The following PHKG1 variants were observed in gnomAD, a reference collection of about 807,000 sequenced individuals.
PHKG1 encodes phosphorylase kinase catalytic subunit gamma 1, also known as phosphorylase b kinase gamma catalytic chain, skeletal muscle/heart isoform.
PHKG1 carries 48 observed loss-of-function variants against 50.5 expected under a neutral mutation model. The observed-to-expected ratio is 0.95, with a 90% CI of 0.75 to 1.21. The LOEUF is 1.21. PHKG1 is among the 50% of genes most tolerant of loss of function. The pLI is 0.00. For missense variants in PHKG1, 487 were observed against 519.5 expected, an observed-to-expected ratio of 0.94 and a Z score of 0.61; for synonymous variants, 204 against 212.8, an observed-to-expected ratio of 0.96 and a Z score of 0.36.
At chr7:56,090,867 T>C (rs1006530227) in intron 1 of PHKG1, among the ~76,000 whole-genome samples, 1 of 152,124 alleles carries the variant, frequency 6.6e-6, no homozygotes, top group African/African-American at 2.4e-5. Context: ...CTACCCCGCT[T>C]TGTGTCAGGA....
intron 6 of PHKG1, 173 bp downstream of exon 6, chr7:56,083,105 C>CAAA (rs374270655): frequency 7.6e-5 from 34 of 444,778 alleles, no homozygotes; most frequent in Middle Eastern, 1.2e-3. Flanking sequence ...GACTCCATCT[C>CAAA]AAAAAAAAAA....
Position 56,087,765 on chromosome 7 carries a change from C to T in PHKG1, c.95G>A (p.Ser32Asn), listed in dbSNP as rs140813887. The T allele has an allele frequency of 6.2e-7, 1 of 1,611,542 alleles. No individual in the cohort carries two copies. The highest frequency in any genetic ancestry group is 8.5e-7 in the Non-Finnish European group (1 of 1,179,694). The part of the protein sequence containing the change: ...PKEILGRGVS[S>N]VVRRCIHKPT... ...CTTGTGGATGCATCGCCTGACCACA[C>T]TGCTAACGCCCCTGGGAGTGCAGAG... The change falls in exon 3 of 10, where the codon AGT becomes AAT. Residue 32 changes from serine to asparagine, a missense_variant. Ser to Asn is a conservative substitution (Grantham distance 46, BLOSUM62 1). Coordinates refer to ENST00000297373, the MANE Select transcript of PHKG1 (RefSeq NM_006213.5).
chr7:56,080,483 C>G lies in PHKG1; in HGVS notation c.*571G>C, dbSNP rs571348443. 6.2e-6 allele frequency: 1 copy of G among 161,082 alleles called. No homozygotes were observed. The highest frequency in any genetic ancestry group is 1.4e-5 in the Non-Finnish European group (1 of 74,040). The allele number at this position is 161,082 out of a possible 1,614,324, so 10.0% of individuals were successfully genotyped here. A position where few individuals can be genotyped will look rare whatever the true frequency, so the allele number is the denominator to read the frequency against. On this transcript the variant is annotated 3_prime_UTR_variant, in exon 10 of 10. Transcript: ENST00000297373. Reference sequence around the variant, plus strand: ...CTCGCTCTGTTGCCCAGGGTGGTCTCGAACTCCTGGCCTCAAGCGATCCTC... The same window carrying G: ...CTCGCTCTGTTGCCCAGGGTGGTCTGGAACTCCTGGCCTCAAGCGATCCTC...
In PHKG1 at chr7:56,080,932, G is replaced by T. The variant is rs540521977; in HGVS notation, c.*122C>A. On this transcript the variant is annotated 3_prime_UTR_variant, in exon 10 of 10. Transcript: ENST00000297373. ...GGGGATCGTGGCCTCAGTTCCAGGG[G>T]TTCCTGGCCAGGGCCAAGTGCTCCT... The T allele has an allele frequency of 9.8e-4, 1,172 of 1,200,160 alleles. 2 individuals are homozygous for T. Among genetic ancestry groups the T allele is most frequent in the Non-Finnish European group, 1.3e-3 (1,100 of 865,248 alleles). The allele number at this position is 1,200,160 out of a possible 1,614,324, so 74.3% of individuals were successfully genotyped here. A position where few individuals can be genotyped will look rare whatever the true frequency, so the allele number is the denominator to read the frequency against.
rs1473562276 is a variant in PHKG1 at position 56,081,434 on chromosome 7, C to T, written c.919-135G>A. ...TGCGGGGCCTTCCTAGTGTCCCCCA[C>T]TTCCCACTTGGCCAGCATCCTCAGG... On this transcript the variant is annotated intron_variant, in intron 9 of 9. Coordinates refer to ENST00000297373, the MANE Select transcript of PHKG1 (RefSeq NM_006213.5). The surrounding 1 kb of genome is among the most constrained non-coding windows in gnomAD (Gnocchi z 4.6). 3.8e-6 allele frequency: 5 copies of T among 1,302,068 alleles called. No homozygotes were observed. The African/African-American group carries it at 4.4e-5, about 11-fold the overall frequency. The allele number at this position is 1,302,068 out of a possible 1,614,324, so 80.7% of individuals were successfully genotyped here.
chr7:56,086,820 C>T (rs1334677446), intron 4 of PHKG1, 150 bp downstream of exon 4: 2 of 667,504 alleles, frequency 3.0e-6, no homozygotes, highest in South Asian at 3.6e-5. Context: ...GCAGCCTGAC[C>T]CCAGGGGCTG....
Position 56,082,221 on chromosome 7 carries a change from C to T in PHKG1, c.580G>A (p.Glu194Lys), listed in dbSNP as rs147654051. ...VCGTPSYLAP[E>K]IIECSMNEDH... ...TCATTCATGGAGCACTCGATAATCT[C>T]AGGGGCCAGGTAACTGGGGGTCCCG... Residue 194 changes from glutamate (E) to lysine (K), a missense_variant, in exon 7 of 10, where the codon GAG becomes AAG. By Grantham distance (56) the Glu-to-Lys change is moderately conservative. Coordinates refer to ENST00000297373, the MANE Select transcript of PHKG1 (RefSeq NM_006213.5). 224 of 1,613,838 alleles carry T rather than the reference C, an allele frequency of 1.4e-4. No homozygotes were observed. Among genetic ancestry groups the T allele is most frequent in the Non-Finnish European group, 1.6e-4 (190 of 1,180,012 alleles).
At chr7:56,090,675 C>T (rs965260196) in intron 1 of PHKG1, among the ~76,000 whole-genome samples, 6 of 152,232 alleles carry the variant, frequency 3.9e-5, no homozygotes, top group Admixed American at 2.6e-4. Context: ...TGCAGGTGTC[C>T]GGCAGGGGCT....
chr7:56,081,323 G>A lies in PHKG1; in HGVS notation c.919-24C>T, dbSNP rs1427573865. On this transcript the variant is annotated intron_variant, in intron 9 of 9. Transcript: ENST00000297373. The surrounding 1 kb of genome is among the most constrained non-coding windows in gnomAD (Gnocchi z 4.6). ...ACCTGCAGGGCCAGGCGGAGAAGCT[G>A]GGCTGCAGCCCCCGCCCTGCCAGGC... 1 of 1,589,592 alleles carries A rather than the reference G, an allele frequency of 6.3e-7. No homozygotes were observed. The highest frequency in any genetic ancestry group is 2.3e-5 in the East Asian group (1 of 44,086).
At chr7:56,091,850 C>T (rs1247461349) in intron 1 of PHKG1, among the ~76,000 whole-genome samples, 1 of 152,262 alleles carries the variant, frequency 6.6e-6, no homozygotes, top group Non-Finnish European at 1.5e-5. Flanking sequence ...CCCTGGGCTG[C>T]TCACACACAG....
At chr7:56,082,883 G>A (rs925246679) in intron 6 of PHKG1, among the ~76,000 whole-genome samples, 5 of 151,996 alleles carry the variant, frequency 3.3e-5, no homozygotes, top group Non-Finnish European at 7.4e-5. Context: ...CGAGGCGGGC[G>A]GATCGTAAGG....
intron 1 of PHKG1, among the ~76,000 whole-genome samples, chr7:56,090,656 C>G (rs988153038): frequency 3.3e-5 from 5 of 152,188 alleles, no homozygotes; most frequent in Admixed American, 6.6e-5. Context: ...CTCTGCCCCC[C>G]ATACCCAGTG....
chr7:56,081,205 T>C lies in PHKG1; in HGVS notation c.1013A>G (p.Tyr338Cys), dbSNP rs375616345. ...GAGCCGGCGCAGAGGCCGGAGGGCATAGGGGTCTCGGATGACGATCTCCCG... is the reference window on the plus strand; with the variant it reads ...GAGCCGGCGCAGAGGCCGGAGGGCACAGGGGTCTCGGATGACGATCTCCCG... ...VTREIVIRDP[Y>C]ALRPLRRLID... is the part of the protein sequence containing the mutation. Residue 338 changes from tyrosine to cysteine, a missense_variant, in exon 10 of 10, where the codon TAT becomes TGT. Coordinates refer to ENST00000297373, the MANE Select transcript of PHKG1 (RefSeq NM_006213.5). This position sits in a 1 kb window ranked among gnomAD's most constrained non-coding sequence, Gnocchi z 4.6. 3.2e-5 allele frequency: 51 copies of C among 1,613,752 alleles called. No homozygotes were observed. The highest frequency in any genetic ancestry group is 5.3e-5 in the African/African-American group (4 of 74,908).
rs192529594 is a variant in PHKG1, at chr7:56,088,767, C to T, written c.83+92G>A. The T allele has an allele frequency of 5.7e-4, 448 of 782,580 alleles. 1 individual carries two copies. The African/African-American group carries it at 6.4e-3, about 11-fold the overall frequency. 48.5% of individuals were successfully genotyped at this position (782,580 alleles called of 1,614,324 possible). A position where few individuals can be genotyped will look rare whatever the true frequency, so the allele number is the denominator to read the frequency against. On this transcript the variant is annotated intron_variant, in intron 2 of 9. Coordinates refer to ENST00000297373, the MANE Select transcript of PHKG1 (RefSeq NM_006213.5). ...AACAGCACTTTGGGGATGAAAGTGG[C>T]GTTAGTACTCGGGGTGGAGCAGAGC...
chr7:56,083,315 G>A lies in PHKG1; in HGVS notation c.510C>T (p.Gly170=). The part of the protein sequence containing the change: ...DNMNIKLTDF[G]FSCQLEPGER... ...CTCCCGGCTCCAGCTGGCAGGAAAAGCCAAAGTCTGTGAGCTTGATGTTCA... is the reference window on the plus strand; with the variant it reads ...CTCCCGGCTCCAGCTGGCAGGAAAAACCAAAGTCTGTGAGCTTGATGTTCA... Residue 170 remains glycine (G), a synonymous_variant, in exon 6 of 10, where the codon GGC becomes GGT. Coordinates refer to ENST00000297373, the MANE Select transcript of PHKG1 (RefSeq NM_006213.5). 6.2e-7 allele frequency: 1 copy of A among 1,614,056 alleles called. No individual in the cohort carries two copies. The highest frequency in any genetic ancestry group is 8.5e-7 in the Non-Finnish European group (1 of 1,179,982).
At chr7:56,085,804 A>G (rs1796227019) in intron 4 of PHKG1, among the ~76,000 whole-genome samples, 2 of 152,014 alleles carry the variant, frequency 1.3e-5, no homozygotes, top group South Asian at 4.1e-4. Context: ...GTCTCTACTA[A>G]AACAGTACAC....
At chr7:56,084,122 C>G in intron 4 of PHKG1, 1 of 1,302,040 alleles carries the variant, frequency 7.7e-7, no homozygotes, top group East Asian at 2.5e-5. Flanking sequence ...GCAATGGGCC[C>G]CGAGCTGGTG....
rs772986656 is a variant in PHKG1, at chr7:56,083,454, A to G, written c.384-13T>C. On this transcript the variant is annotated splice_polypyrimidine_tract_variant and intron_variant, in intron 5 of 9. Transcript: ENST00000297373. ...TCGCATGATCTTTCTAGGGTGGGGC[A>G]CACACTTGTTACTCTTCCTCTGCTC... 2 of 1,613,674 alleles carry G rather than the reference A, an allele frequency of 1.2e-6. No homozygotes were observed. Among genetic ancestry groups the G allele is most frequent in the South Asian group, 2.2e-5 (2 of 91,068 alleles).
chr7:56,083,849 T>A, intron 4 of PHKG1, 134 bp from the exon 5 acceptor site: 1 of 683,168 alleles, frequency 1.5e-6, no homozygotes. Context: ...AACCACAGTC[T>A]GGGGAGAGGA....
Sources: gnomAD v4.1 joint callset for allele counts (sites outside exome capture counted in the v4.1 genomes callset) on GRCh38, gnomAD v4.1.1 for gene constraint, Gnocchi (gnomAD v3.1) non-coding constraint, MANE v1.5 for transcripts, NCBI Gene and HGNC (gene_info 2026-07-23, HGNC 2026-07-21) for gene names.